ENPP2: variants seen among roughly 807,000 people sequenced by gnomAD.
The protein encoded by ENPP2 is autotaxin.
ENPP2 carries 51 observed loss-of-function variants against 120.2 expected under a neutral mutation model. The observed-to-expected ratio is 0.42, with a 90% CI of 0.34 to 0.54. ENPP2 has a LOEUF of 0.54. Among genes scored for constraint, ENPP2 ranks in the 20% least tolerant of loss-of-function variants. ENPP2 has a pLI of 0.04. For synonymous variants in ENPP2, 365 were observed against 366.4 expected (o/e 1.00, Z 0.04); for missense variants, 920 against 1,066.5 (o/e 0.86, Z 1.91).
chr8:119,653,781 A>G (rs1375955734), intron 1 of ENPP2, among the ~76,000 whole-genome samples: 7 of 152,080 alleles, frequency 4.6e-5, no homozygotes, highest in Admixed American at 2.6e-4. Flanking sequence ...ACTGCTGTTC[A>G]GGAAATGGAT....
At chr8:119,568,512 C>G (rs1413807984) in intron 21 of ENPP2, among the ~76,000 whole-genome samples, 3 of 151,982 alleles carry the variant, frequency 2.0e-5, no homozygotes, top group African/African-American at 7.3e-5. Context: ...TTGAGTCTAC[C>G]AACATTATGT....
intron 8 of ENPP2, among the ~76,000 whole-genome samples, chr8:119,611,984 G>A (rs1452911023): frequency 6.6e-6 from 1 of 152,128 alleles, no homozygotes; most frequent in East Asian, 1.9e-4. Context: ...AGCCGAGACT[G>A]TGCCACTGCC....
chr8:119,649,116 G>A (rs112946031), intron 1 of ENPP2, among the ~76,000 whole-genome samples: 25 of 151,954 alleles, frequency 1.6e-4, no homozygotes, highest in African/African-American at 3.4e-4. Flanking sequence ...ATTTATGGCC[G>A]GGCACGGTGG....
At chr8:119,630,143 T>G (rs925698470) in intron 2 of ENPP2, among the ~76,000 whole-genome samples, 1 of 151,874 alleles carries the variant, frequency 6.6e-6, no homozygotes, top group Admixed American at 6.6e-5. Flanking sequence ...AGTTTTGCTC[T>G]TGTTGCCCAG....
intron 18 of ENPP2, among the ~76,000 whole-genome samples, chr8:119,581,900 T>A (rs1812770792): frequency 6.6e-6 from 1 of 151,866 alleles, no homozygotes; most frequent in Non-Finnish European, 1.5e-5. Context: ...CCGGCTAATT[T>A]TTTTGTGTTT....
chr8:119,650,351 T>C (rs1157846283), intron 1 of ENPP2, among the ~76,000 whole-genome samples: 1 of 152,078 alleles, frequency 6.6e-6, no homozygotes, highest in Non-Finnish European at 1.5e-5. Context: ...CGATATCGGG[T>C]ATGAGTTTTT....
chr8:119,659,277 A>C (rs1425180719), intron 1 of ENPP2, among the ~76,000 whole-genome samples: 1 of 145,756 alleles, frequency 6.9e-6, no homozygotes, highest in Non-Finnish European at 1.5e-5. Flanking sequence ...AGGTGGTGCC[A>C]CTGCACTCCA....
At chr8:119,662,498 G>T (rs1405784006) in intron 1 of ENPP2, among the ~76,000 whole-genome samples, 1 of 152,184 alleles carries the variant, frequency 6.6e-6, no homozygotes, top group Non-Finnish European at 1.5e-5. Flanking sequence ...AGAAACTTTA[G>T]GGGTGGGGCT....
At chr8:119,598,641 T>G (rs561146742) in intron 11 of ENPP2, among the ~76,000 whole-genome samples, 1 of 152,372 alleles carries the variant, frequency 6.6e-6, no homozygotes, top group Admixed American at 6.5e-5. Context: ...TAAGAACATT[T>G]ATCATTAAGC....
chr8:119,580,500 T>A (rs1812658915), intron 18 of ENPP2: 1 of 271,786 alleles, frequency 3.7e-6, no homozygotes, highest in Admixed American at 4.9e-5. Flanking sequence ...GCCTAAATGT[T>A]TCAGATTAAT....
At chr8:119,596,159 G>A (rs528681473) in intron 11 of ENPP2, among the ~76,000 whole-genome samples, 23 of 152,314 alleles carry the variant, frequency 1.5e-4, no homozygotes, top group African/African-American at 5.3e-4. Flanking sequence ...ATGATTAGAG[G>A]AACTCTATGG....
Position 119,583,769 on chromosome 8 carries a change from G to A in ENPP2, c.1491C>T (p.Tyr497=), listed in dbSNP as rs1339978402. 3 of 1,601,876 alleles carry A rather than the reference G, an allele frequency of 1.9e-6. No individual in the cohort carries two copies. The highest frequency in any genetic ancestry group is 2.2e-5 in the South Asian group (2 of 90,270). ...TTTCAAATGGAGGCACTTTAGTCTTGTACTTAAATGTTGAGCCATAACCTA... is the reference window on the plus strand; with the variant it reads ...TTTCAAATGGAGGCACTTTAGTCTTATACTTAAATGTTGAGCCATAACCTA... ...VFVGYGSTFK[Y]KTKVPPFENI... is the part of the protein sequence containing the mutation. Residue 497 remains tyrosine, a synonymous_variant, in exon 17 of 25, where the codon TAC becomes TAT. Coordinates refer to ENST00000075322, the MANE Select transcript of ENPP2 (RefSeq NM_001040092.3).
At chr8:119,655,857 A>C (rs532191305) in intron 1 of ENPP2, among the ~76,000 whole-genome samples, 4 of 152,350 alleles carry the variant, frequency 2.6e-5, no homozygotes, top group Admixed American at 6.5e-5. Context: ...TTCTTGCAAC[A>C]GCACACTATG....
rs185936636 is a variant in ENPP2 at position 119,564,669 on chromosome 8, C to T, written c.2264+154G>A. ...GTCCAGCCTGGGCAACAGAGCAAGA[C>T]GCCGTCTCAAAAAAATATATATATA... On this transcript the variant is annotated intron_variant, in intron 23 of 24. Transcript: ENST00000075322. 1.4e-3 allele frequency among the ~76,000 whole-genome samples: 211 copies of T among 151,118 alleles called. 5 individuals are homozygous for T. The East Asian group carries it at 0.034, about 24-fold the overall frequency.
rs146222974 is a variant in ENPP2, at chr8:119,587,147, G to A, written c.1208-72C>T. The A allele has an allele frequency of 2.1e-5, 26 of 1,240,562 alleles. 1 individual carries two copies. In the Admixed American group the frequency reaches 4.7e-4, roughly 23 times the overall value. 76.8% of individuals were successfully genotyped at this position (1,240,562 alleles called of 1,614,324 possible). A position where few individuals can be genotyped will look rare whatever the true frequency, so the allele number is the denominator to read the frequency against. ...CCAAGAGAAATCATTTTTGCAGCAAGATACTCAATTCTTTCTCCTTCCATC... is the reference window on the plus strand; with the variant it reads ...CCAAGAGAAATCATTTTTGCAGCAAAATACTCAATTCTTTCTCCTTCCATC... On this transcript the variant is annotated intron_variant, in intron 13 of 24. Coordinates refer to ENST00000075322, the MANE Select transcript of ENPP2 (RefSeq NM_001040092.3).
intron 19 of ENPP2, chr8:119,572,125 A>G (rs1271710234): frequency 1.0e-6 from 1 of 976,050 alleles, no homozygotes; most frequent in African/African-American, 1.6e-5. Context: ...TAACAGTAGT[A>G]CTTAGGGGCA....
chr8:119,622,357 A>C (rs1001392662), intron 3 of ENPP2, among the ~76,000 whole-genome samples: 20 of 152,194 alleles, frequency 1.3e-4, no homozygotes, highest in Admixed American at 1.3e-3. Flanking sequence ...GGGGCATTAC[A>C]ATGTTTGCTC....
At chr8:119,591,779 T>A (rs1813523032) in intron 12 of ENPP2, among the ~76,000 whole-genome samples, 1 of 152,184 alleles carries the variant, frequency 6.6e-6, no homozygotes, top group African/African-American at 2.4e-5. Context: ...ATTATATATC[T>A]TGCACTTTAA....
At chr8:119,572,079 T>A (rs1815043478) in intron 19 of ENPP2, 1 of 792,784 alleles carries the variant, frequency 1.3e-6, no homozygotes, top group Non-Finnish European at 2.0e-6. Flanking sequence ...ATTAAATAAA[T>A]GAAATATAAT....
Sources: gnomAD v4.1 joint callset for allele counts (sites outside exome capture counted in the v4.1 genomes callset) on GRCh38, gnomAD v4.1.1 for gene constraint, MANE v1.5 for transcripts, NCBI Gene and HGNC (gene_info 2026-07-23, HGNC 2026-07-21) for gene names.